ADGRL3: variants seen among roughly 807,000 people sequenced by gnomAD.
ADGRL3 encodes the protein calcium-independent alpha-latrotoxin receptor 3.
A neutral mutation model predicts 153.5 loss-of-function variants in ADGRL3; 62 were observed. The observed-to-expected ratio is 0.40, with a 90% CI of 0.33 to 0.50. The LOEUF (loss-of-function observed/expected upper bound fraction) is 0.50, where lower values mean the gene tolerates loss of function less well. Among genes scored for constraint, ADGRL3 ranks in the 20% least tolerant of loss-of-function variants. The probability of loss-of-function intolerance (pLI) is 0.47; values close to 1 mark genes in which losing one functional copy is unlikely to be tolerated. For synonymous variants in ADGRL3, 710 were observed against 672.5 expected, an observed-to-expected ratio of 1.06 and a Z score of -0.86; for missense variants, 1,641 against 1,859.4, an observed-to-expected ratio of 0.88 and a Z score of 2.16.
At chr4:61,658,298 C>T (rs73825910) in intron 5 of ADGRL3, among the ~76,000 whole-genome samples, 4,105 of 152,194 alleles carry the variant, frequency 0.027, 127 homozygotes, top group East Asian at 0.12. Context: ...TCATTTTCTA[C>T]AAAAATGACA....
chr4:62,017,497 C>G (rs950219253), intron 21 of ADGRL3, among the ~76,000 whole-genome samples: 3 of 150,532 alleles, frequency 2.0e-5, no homozygotes, highest in South Asian at 4.2e-4. Context: ...ATTTAACTCT[C>G]TTTACTGTCT....
intron 1 of ADGRL3, among the ~76,000 whole-genome samples, chr4:61,380,978 G>A (rs758159087): frequency 2.0e-5 from 3 of 151,522 alleles, no homozygotes; most frequent in African/African-American, 4.8e-5. Context: ...CCTCCTGCTC[G>A]CCTTTTTCTT....
chr4:61,653,239 C>T (rs895111692), intron 5 of ADGRL3, among the ~76,000 whole-genome samples: 81 of 151,202 alleles, frequency 5.4e-4, no homozygotes, highest in Non-Finnish European at 7.5e-4. Context: ...AAGAATGCAA[C>T]TGTTTGCAAG....
chr4:61,798,998 AGTAT>A (rs1561270511), intron 8 of ADGRL3, among the ~76,000 whole-genome samples: 1 of 66,222 alleles, frequency 1.5e-5, no homozygotes, highest in African/African-American at 5.7e-5. Context: ...ATATATAAAC[AGTAT>A]ATATATATAT....
intron 21 of ADGRL3, 68 bp from the exon 22 acceptor site, chr4:62,028,787 C>T: frequency 7.5e-7 from 1 of 1,332,126 alleles, no homozygotes; most frequent in South Asian, 1.3e-5. Flanking sequence ...GAATATTTTT[C>T]ATATGAAATT....
intron 6 of ADGRL3, among the ~76,000 whole-genome samples, chr4:61,712,443 A>AT (rs2096013966): frequency 6.6e-6 from 1 of 152,130 alleles, no homozygotes; most frequent in African/African-American, 2.4e-5. Flanking sequence ...ACAAATGTGA[A>AT]TTGAAATCCT....
chr4:61,206,285 T>A (rs1162779130), intron 1 of ADGRL3, among the ~76,000 whole-genome samples: 1 of 152,216 alleles, frequency 6.6e-6, no homozygotes, highest in African/African-American at 2.4e-5. Context: ...ATATTGTGGA[T>A]GGTAATCCTA....
chr4:61,757,904 G>T (rs1214082135), intron 8 of ADGRL3, among the ~76,000 whole-genome samples: 3 of 152,180 alleles, frequency 2.0e-5, no homozygotes, highest in Admixed American at 6.5e-5. Flanking sequence ...GGAGCAGGTT[G>T]CTCAGTTTCC....
chr4:61,906,594 A>C (rs1205305342), intron 11 of ADGRL3, among the ~76,000 whole-genome samples: 1 of 152,156 alleles, frequency 6.6e-6, no homozygotes, highest in Non-Finnish European at 1.5e-5. Flanking sequence ...TCACATGTCA[A>C]AGTTTAATAG....
chr4:61,407,900 C>T (rs1025971266), intron 2 of ADGRL3, among the ~76,000 whole-genome samples: 3 of 152,050 alleles, frequency 2.0e-5, no homozygotes, highest in African/African-American at 7.2e-5. Flanking sequence ...AAATCCTGAA[C>T]TCAAAATTAT....
intron 2 of ADGRL3, among the ~76,000 whole-genome samples, chr4:61,438,996 G>A (rs918746379): frequency 1.3e-5 from 2 of 151,938 alleles, no homozygotes; most frequent in East Asian, 3.9e-4. Flanking sequence ...CTTAAGATGG[G>A]ACCTAACGAT....
chr4:61,276,447 G>A (rs181250669), intron 1 of ADGRL3, among the ~76,000 whole-genome samples: 1 of 152,266 alleles, frequency 6.6e-6, no homozygotes, highest in African/African-American at 2.4e-5. Flanking sequence ...TATGAATTTA[G>A]TGAATTGTCA....
At chr4:61,221,885 C>G (rs1409156122) in intron 1 of ADGRL3, among the ~76,000 whole-genome samples, 3 of 152,028 alleles carry the variant, frequency 2.0e-5, no homozygotes, top group African/African-American at 7.2e-5. Context: ...GAATCCATTT[C>G]AATCAGCATG....
At chr4:61,567,729 A>G (rs943067736) in intron 4 of ADGRL3, among the ~76,000 whole-genome samples, 2 of 151,800 alleles carry the variant, frequency 1.3e-5, no homozygotes, top group Non-Finnish European at 2.9e-5. Flanking sequence ...ACCCTAAATA[A>G]AACTACTAAA....
intron 21 of ADGRL3, among the ~76,000 whole-genome samples, chr4:62,018,558 G>A (rs2099223792): frequency 6.6e-6 from 1 of 152,096 alleles, no homozygotes; most frequent in Non-Finnish European, 1.5e-5. Flanking sequence ...AGGCATAGAT[G>A]TCAGGAAAAG....
chr4:62,055,162 G>A (rs1206683388), intron 25 of ADGRL3, among the ~76,000 whole-genome samples: 1 of 151,756 alleles, frequency 6.6e-6, no homozygotes, highest in East Asian at 1.9e-4. Flanking sequence ...CACATATGTA[G>A]CCAATTAATA....
intron 8 of ADGRL3, among the ~76,000 whole-genome samples, chr4:61,754,597 G>C (rs2152091569): frequency 6.7e-6 from 1 of 150,332 alleles, no homozygotes; most frequent in East Asian, 2.0e-4. Context: ...TGCCTAGAAA[G>C]ATCTGAGTGT....
chr4:61,598,373 G>A (rs548511641), intron 5 of ADGRL3, among the ~76,000 whole-genome samples: 41 of 152,098 alleles, frequency 2.7e-4, no homozygotes, highest in Non-Finnish European at 5.6e-4. Flanking sequence ...TGAACGTGAA[G>A]GAAAAATTAT....
intron 25 of ADGRL3, among the ~76,000 whole-genome samples, chr4:62,047,985 A>G (rs1304841430): frequency 6.6e-6 from 1 of 152,176 alleles, no homozygotes; most frequent in African/African-American, 2.4e-5. Flanking sequence ...AAGTTTTTAC[A>G]AACTCATAGG....
Sources: gnomAD v4.1 joint callset for allele counts (sites outside exome capture counted in the v4.1 genomes callset) on GRCh38, gnomAD v4.1.1 for gene constraint, MANE v1.5 for transcripts, NCBI Gene and HGNC (gene_info 2026-07-23, HGNC 2026-07-21) for gene names.